The following NFATC2 variants were observed in gnomAD, a reference collection of about 807,000 sequenced individuals.
The protein encoded by NFATC2 is nuclear factor of activated T cells 2, also known as nuclear factor of activated T-cells, cytoplasmic 2.
A neutral mutation model predicts 87.3 loss-of-function variants in NFATC2; 22 were observed. The observed-to-expected ratio is 0.25, with a 90% CI of 0.18 to 0.36. The LOEUF (loss-of-function observed/expected upper bound fraction) is 0.36, where lower values mean the gene tolerates loss of function less well. Ranked by LOEUF, NFATC2 falls within the 10% of genes least tolerant of loss-of-function variation. The pLI, the probability that NFATC2 is intolerant of heterozygous loss-of-function variation, is 1.00. For missense variants in NFATC2, 1,149 were observed against 1,259.1 expected (o/e 0.91, Z 1.32); for synonymous variants, 565 against 542.2 (o/e 1.04, Z -0.58).
intron 6 of NFATC2, 85 bp downstream of exon 6, chr20:51,454,463 C>A (rs747557700): frequency 1.6e-5 from 25 of 1,523,924 alleles, no homozygotes; most frequent in Non-Finnish European, 2.1e-5. Context: ...GATCTACCCC[C>A]CAAAACCAAA....
chr20:51,460,453 T>C (rs1172698241), intron 5 of NFATC2, among the ~76,000 whole-genome samples: 2 of 152,194 alleles, frequency 1.3e-5, no homozygotes, highest in Non-Finnish European at 2.9e-5. Context: ...TTAATAAACA[T>C]GGGTCAGCAA....
At chr20:51,407,540 T>C (rs1978518911) in intron 9 of NFATC2, among the ~76,000 whole-genome samples, 1 of 152,212 alleles carries the variant, frequency 6.6e-6, no homozygotes, top group Non-Finnish European at 1.5e-5. Context: ...TCCTCAGCTC[T>C]GTAGAGCAGA....
chr20:51,498,123 A>T (rs950938157), intron 3 of NFATC2, among the ~76,000 whole-genome samples: 2 of 152,196 alleles, frequency 1.3e-5, no homozygotes, highest in Non-Finnish European at 2.9e-5. Flanking sequence ...AAGCTTGGGC[A>T]TGTCCTAGTG....
At position 51,483,696 on chromosome 20, in the gene NFATC2, C is replaced by A. The variant is rs533140247; in HGVS notation, c.1333-8036G>T. ...CTTGACTCTCACCCATTCCAACAAGCCATGACTGTGTGTTAATCACTTCAA... is the reference window on the plus strand; with the variant it reads ...CTTGACTCTCACCCATTCCAACAAGACATGACTGTGTGTTAATCACTTCAA... On this transcript the variant is annotated intron_variant, in intron 3 of 10. Coordinates refer to ENST00000371564, the MANE Select transcript of NFATC2 (RefSeq NM_012340.5). Among the ~76,000 whole-genome samples the A allele has an allele frequency of 1.5e-3, 224 of 150,512 alleles. 1 individual carries two copies. The highest frequency in any genetic ancestry group is 5.3e-3 in the African/African-American group (218 of 40,962).
chr20:51,408,463 G>A (rs1043236827), intron 9 of NFATC2, among the ~76,000 whole-genome samples: 4 of 144,296 alleles, frequency 2.8e-5, no homozygotes, highest in Non-Finnish European at 6.0e-5. Context: ...GCAGTGAGCC[G>A]AGATCGCGCC....
chr20:51,428,180 G>C (rs1600710552), intron 9 of NFATC2, among the ~76,000 whole-genome samples: 1 of 152,126 alleles, frequency 6.6e-6, no homozygotes, highest in East Asian at 1.9e-4. Flanking sequence ...GAAGAATGAG[G>C]TCCCAGAAGC....
intron 3 of NFATC2, among the ~76,000 whole-genome samples, chr20:51,516,135 GA>G (rs140358044): frequency 2.8e-4 from 42 of 148,796 alleles, no homozygotes; most frequent in African/African-American, 9.6e-4. Flanking sequence ...TACTTATTTT[GA>G]AAAAAAAATC....
rs1238165954 is a variant in NFATC2, at chr20:51,390,732, C to T, written c.*764G>A. ...TAACAAACGCGTATACATGTCATAA[C>T]TTAACGCCAAGAAGTCTTAACAGGT... On this transcript the variant is annotated 3_prime_UTR_variant, in exon 11 of 11. Coordinates refer to ENST00000371564, the MANE Select transcript of NFATC2 (RefSeq NM_012340.5). The T allele has an allele frequency of 6.3e-6, 1 of 159,974 alleles. No individual in the cohort carries two copies. 9.9% of individuals were successfully genotyped at this position (159,974 alleles called of 1,614,324 possible).
chr20:51,409,667 C>T (rs2146267016), intron 9 of NFATC2, among the ~76,000 whole-genome samples: 1 of 152,302 alleles, frequency 6.6e-6, no homozygotes, highest in South Asian at 2.1e-4. Context: ...TGGATCAAGC[C>T]TCCAGATCTG....
chr20:51,426,800 G>A (rs2146320571), intron 9 of NFATC2, among the ~76,000 whole-genome samples: 2 of 152,300 alleles, frequency 1.3e-5, no homozygotes, highest in South Asian at 4.2e-4. Flanking sequence ...GGGGCTTCTG[G>A]GGTGCCAACA....
chr20:51,501,204 A>T (rs1175178848), intron 3 of NFATC2, among the ~76,000 whole-genome samples: 2 of 152,188 alleles, frequency 1.3e-5, no homozygotes, highest in East Asian at 2.0e-4. Flanking sequence ...GCGTCAGAAC[A>T]CTGTCTTAAT....
chr20:51,550,484 G>C (rs1255863816), intron 1 of NFATC2, among the ~76,000 whole-genome samples: 1 of 151,980 alleles, frequency 6.6e-6, no homozygotes, highest in Non-Finnish European at 1.5e-5. Flanking sequence ...CCAGCTACTC[G>C]GGAGGCTGAG....
At chr20:51,515,459 A>G (rs969367724) in intron 3 of NFATC2, among the ~76,000 whole-genome samples, 1 of 152,214 alleles carries the variant, frequency 6.6e-6, no homozygotes, top group Non-Finnish European at 1.5e-5. Flanking sequence ...ACAGTTTAAA[A>G]TCTAAGCCCC....
At chr20:51,417,726 T>G (rs372319764) in intron 9 of NFATC2, among the ~76,000 whole-genome samples, 2 of 152,224 alleles carry the variant, frequency 1.3e-5, no homozygotes, top group Admixed American at 6.5e-5. Flanking sequence ...TCCATTTGGT[T>G]CACTTCTGTG....
chr20:51,403,293 G>A (rs371300590), intron 9 of NFATC2, among the ~76,000 whole-genome samples: 71 of 152,360 alleles, frequency 4.7e-4, no homozygotes, highest in African/African-American at 1.6e-3. Context: ...ACCAGGCTCT[G>A]TCTTAAATTT....
intron 9 of NFATC2, among the ~76,000 whole-genome samples, chr20:51,414,832 A>G (rs1281906010): frequency 6.6e-6 from 1 of 152,238 alleles, no homozygotes; most frequent in African/African-American, 2.4e-5. Flanking sequence ...CTGATCATGC[A>G]TACACACAGC....
chr20:51,470,993 T>TAA (rs755387359), intron 5 of NFATC2, among the ~76,000 whole-genome samples: 2 of 152,208 alleles, frequency 1.3e-5, no homozygotes. Flanking sequence ...ACCTACCAAG[T>TAA]AAAAACAGGT....
intron 3 of NFATC2, among the ~76,000 whole-genome samples, chr20:51,491,560 A>T (rs2075884336): frequency 6.6e-6 from 1 of 152,120 alleles, no homozygotes; most frequent in Non-Finnish European, 1.5e-5. Context: ...ACGATACTGT[A>T]TATGGAGCTG....
At chr20:51,462,305 G>C (rs1026644814) in intron 5 of NFATC2, among the ~76,000 whole-genome samples, 1 of 150,062 alleles carries the variant, frequency 6.7e-6, no homozygotes, top group African/African-American at 2.5e-5. Flanking sequence ...AAATAGCTGG[G>C]CATGATGGCA....
Sources: gnomAD v4.1 joint callset for allele counts (sites outside exome capture counted in the v4.1 genomes callset) on GRCh38, gnomAD v4.1.1 for gene constraint, MANE v1.5 for transcripts, NCBI Gene and HGNC (gene_info 2026-07-23, HGNC 2026-07-21) for gene names.